Variants in CLEC2A observed in about 807,000 individuals in gnomAD.
CLEC2A encodes C-type lectin domain family 2 member A, also known as keratinocyte-associated C-type lectin.
In CLEC2A, 19 loss-of-function variants were observed where a neutral mutation model predicts 18.6. The ratio of observed to expected loss-of-function variants is 1.02; its 90% CI spans 0.71 to 1.50. The LOEUF (loss-of-function observed/expected upper bound fraction) is 1.50, where lower values mean the gene tolerates loss of function less well. CLEC2A is among the 40% of genes most tolerant of loss of function. CLEC2A has a pLI of 0.00. For synonymous variants in CLEC2A, 74 were observed against 64.0 expected (o/e 1.16, Z -0.75); for missense variants, 190 against 207.9 (o/e 0.91, Z 0.53).
the CLEC2A span, chr12:9,888,817 G>T: frequency 7.5e-7 from 1 of 1,330,928 alleles, no homozygotes; most frequent in Non-Finnish European, 1.0e-6. Context: ...CTACTCTTAG[G>T]GGTAAATTTA....
chr12:9,895,633 A>C, downstream of CLEC2A: 1 of 1,443,644 alleles, frequency 6.9e-7, no homozygotes, highest in Middle Eastern at 1.8e-4. Context: ...AAAACTTTAA[A>C]AGATACTATT....
intron 3 of CLEC2A, among the ~76,000 whole-genome samples, chr12:9,918,916 T>C (rs73048822): frequency 0.011 from 1,641 of 152,334 alleles, 16 homozygotes; most frequent in Non-Finnish European, 0.017. Flanking sequence ...AGGGTCTTTA[T>C]TTGAAGGTGA....
At chr12:9,885,633 G>A in the CLEC2A span, among the ~76,000 whole-genome samples, 1 of 151,864 alleles carries the variant, frequency 6.6e-6, no homozygotes, top group South Asian at 2.1e-4. Flanking sequence ...TCTTAATAAA[G>A]GATCCATATT....
downstream of CLEC2A, among the ~76,000 whole-genome samples, chr12:9,912,263 T>C (rs986135837): frequency 1.3e-5 from 2 of 152,150 alleles, no homozygotes; most frequent in Non-Finnish European, 2.9e-5. Context: ...AAGGCTGTGG[T>C]GGCTTATGGC....
At chr12:9,881,585 C>A in the CLEC2A span, 1 of 1,516,416 alleles carries the variant, frequency 6.6e-7, no homozygotes, top group Non-Finnish European at 8.9e-7. Context: ...AGACATTAGA[C>A]ATTTGAAGAG....
downstream of CLEC2A, among the ~76,000 whole-genome samples, chr12:9,909,215 G>A (rs1395148319): frequency 6.6e-6 from 1 of 152,158 alleles, no homozygotes; most frequent in African/African-American, 2.4e-5. Context: ...GAGTGTCTGA[G>A]ACAGAGTCTG....
At chr12:9,901,031 T>C (rs1396259310) in intron 4 of CLEC2A, among the ~76,000 whole-genome samples, 1 of 152,198 alleles carries the variant, frequency 6.6e-6, no homozygotes, top group Non-Finnish European at 1.5e-5. Context: ...GTATACACCT[T>C]ATTTAATTAT....
At chr12:9,909,224 T>C (rs1565528986), downstream of CLEC2A, among the ~76,000 whole-genome samples, 1 of 152,228 alleles carries the variant, frequency 6.6e-6, no homozygotes, top group Non-Finnish European at 1.5e-5. Flanking sequence ...AGACAGAGTC[T>C]GAGTCCAGGG....
exon 5 of CLEC2A, chr12:9,898,874 G>A (rs749773389): frequency 2.4e-5 from 17 of 709,798 alleles, no homozygotes; most frequent in Non-Finnish European, 3.9e-5. Flanking sequence ...ATTGTTTTGG[G>A]GAAACGGCAG....
downstream of CLEC2A, among the ~76,000 whole-genome samples, chr12:9,897,927 A>G (rs556458009): frequency 2.6e-5 from 4 of 152,350 alleles, no homozygotes; most frequent in African/African-American, 9.6e-5. Context: ...GACCAGGCAC[A>G]TGGCTATAGT....
chr12:9,906,917 G>A (rs1862915636), intron 4 of CLEC2A, among the ~76,000 whole-genome samples: 4 of 152,196 alleles, frequency 2.6e-5, no homozygotes. Flanking sequence ...AGTGGTTAGT[G>A]TTAAATCATT....
rs1176111827 is a variant in CLEC2A, at chr12:9,924,108, A to G, written c.140-1876T>C. On this transcript the variant is annotated intron_variant, in intron 2 of 4. Coordinates refer to ENST00000455827, the MANE Select transcript of CLEC2A (RefSeq NM_001130711.2). ...TTGTGCACATGTACCCTAGAACTTA[A>G]AGTATAATAATAAAAAAAAGAAAAA... 3.9e-5 allele frequency among the ~76,000 whole-genome samples: 6 copies of G among 152,062 alleles called. 1 individual carries two copies. The highest frequency in any genetic ancestry group is 5.9e-5 in the Non-Finnish European group (4 of 68,024).
At chr12:9,914,775 A>G (rs759193420) in intron 4 of CLEC2A, among the ~76,000 whole-genome samples, 32 of 152,220 alleles carry the variant, frequency 2.1e-4, no homozygotes, top group Non-Finnish European at 1.0e-4. Context: ...AAAAAAATCT[A>G]GGCAATATCA....
downstream of CLEC2A, among the ~76,000 whole-genome samples, chr12:9,893,893 A>G (rs1392946871): frequency 6.6e-6 from 1 of 152,186 alleles, no homozygotes; most frequent in Non-Finnish European, 1.5e-5. Context: ...GGTAAAAGCA[A>G]AGACAAAATT....
At chr12:9,887,754 G>C in the CLEC2A span, among the ~76,000 whole-genome samples, 1 of 144,542 alleles carries the variant, frequency 6.9e-6, no homozygotes, top group Admixed American at 6.9e-5. Flanking sequence ...TCTGCAACAA[G>C]GGAAAATAAG....
chr12:9,916,825 C>G, intron 3 of CLEC2A, 22 bp from the exon 4 acceptor site: 1 of 1,402,736 alleles, frequency 7.1e-7, no homozygotes, highest in Non-Finnish European at 9.9e-7. Flanking sequence ...CAAAGGGAAT[C>G]AGCGATTACT....
At chr12:9,902,283 G>A (rs1862841366) in intron 4 of CLEC2A, among the ~76,000 whole-genome samples, 1 of 149,932 alleles carries the variant, frequency 6.7e-6, no homozygotes, top group Admixed American at 6.7e-5. Context: ...GCCCAGGCTG[G>A]AGTGTAGTCA....
the CLEC2A span, among the ~76,000 whole-genome samples, chr12:9,885,754 TC>T: frequency 6.6e-6 from 1 of 152,028 alleles, no homozygotes; most frequent in African/African-American, 2.4e-5. Flanking sequence ...TCTCTAAATA[TC>T]AATCATATAC....
intron 2 of CLEC2A, among the ~76,000 whole-genome samples, chr12:9,926,033 A>C (rs1311545149): frequency 6.6e-6 from 1 of 152,232 alleles, no homozygotes; most frequent in Non-Finnish European, 1.5e-5. Context: ...TTTCTTAAGC[A>C]TCAAGGACTA....
Sources: gnomAD v4.1 joint callset for allele counts (sites outside exome capture counted in the v4.1 genomes callset) on GRCh38, gnomAD v4.1.1 for gene constraint, MANE v1.5 for transcripts, NCBI Gene and HGNC (gene_info 2026-07-23, HGNC 2026-07-21) for gene names.